TTC23L: variants seen among roughly 807,000 people sequenced by gnomAD.
The protein encoded by TTC23L is tetratricopeptide repeat protein 23-like.
A neutral mutation model predicts 48.1 loss-of-function variants in TTC23L; 42 were observed. That is an observed-to-expected ratio of 0.87 (90% confidence interval 0.68 to 1.13). TTC23L has a LOEUF of 1.13. Ranked by LOEUF, TTC23L falls within the 50% of genes most tolerant of loss-of-function variation. The pLI is 0.00. For synonymous variants in TTC23L, 159 were observed against 157.2 expected (o/e 1.01, Z -0.09); for missense variants, 391 against 421.0 (o/e 0.93, Z 0.62).
intron 9 of TTC23L, among the ~76,000 whole-genome samples, chr5:34,894,094 A>G (rs1763050554): frequency 6.6e-6 from 1 of 152,096 alleles, no homozygotes; most frequent in Non-Finnish European, 1.5e-5. Flanking sequence ...TTTTTGGTGG[A>G]TATGTTGGGA....
chr5:34,888,634 A>G, intron 9 of TTC23L: 1 of 557,404 alleles, frequency 1.8e-6, no homozygotes, highest in Non-Finnish European at 2.3e-6. Context: ...ATTCACTTCT[A>G]TCAGTCTTGC....
At chr5:34,846,158 C>T (rs951024292) in intron 3 of TTC23L, among the ~76,000 whole-genome samples, 1 of 152,070 alleles carries the variant, frequency 6.6e-6, no homozygotes, top group Non-Finnish European at 1.5e-5. Context: ...GCACTCCAGC[C>T]TGGGTAACAG....
chr5:34,869,441 A>T (rs182085648), intron 8 of TTC23L: 1 of 166,238 alleles, frequency 6.0e-6, no homozygotes, highest in Admixed American at 5.7e-5. Flanking sequence ...TTCTTGACCC[A>T]TATTCAATAG....
chr5:34,914,074 A>G, the TTC23L span: 229 of 452,100 alleles, frequency 5.1e-4, no homozygotes, highest in African/African-American at 4.1e-3. Flanking sequence ...TATCCCTGAG[A>G]TCATGCTGTG....
At chr5:34,869,824 TAAAC>T (rs1761323848) in intron 8 of TTC23L, 1 of 152,228 alleles carries the variant, frequency 6.6e-6, no homozygotes, top group Non-Finnish European at 1.5e-5. Flanking sequence ...TGTCATTAAA[TAAAC>T]ATTTTTTTTC....
At chr5:34,867,022 G>C in exon 7 of TTC23L, 2 of 1,612,144 alleles carry the variant, frequency 1.2e-6, no homozygotes, top group South Asian at 2.2e-5. Context: ...TGCTCAGATA[G>C]AGCAGCTGAG....
downstream of TTC23L, among the ~76,000 whole-genome samples, chr5:34,904,411 T>C (rs1013112830): frequency 6.6e-6 from 1 of 151,268 alleles, no homozygotes; most frequent in Non-Finnish European, 1.5e-5. Context: ...CTGGCCAACA[T>C]GGTGAAACCC....
chr5:34,925,051 T>C, the TTC23L span: 1 of 1,535,430 alleles, frequency 6.5e-7, no homozygotes, highest in East Asian at 2.3e-5. Flanking sequence ...AAGTAATTGC[T>C]GTTTTATTAC....
intron 1 of TTC23L, chr5:34,839,557 C>T (rs1320352068): frequency 1.1e-6 from 1 of 876,330 alleles, no homozygotes; most frequent in Admixed American, 6.2e-5. Flanking sequence ...GAGATCAGAA[C>T]TCTTTGCTGT....
chr5:34,888,905 A>G (rs1235600421), intron 9 of TTC23L, among the ~76,000 whole-genome samples: 2 of 152,242 alleles, frequency 1.3e-5, no homozygotes, highest in Admixed American at 6.5e-5. Flanking sequence ...CTTGCTGAAC[A>G]TACAAAGTCT....
At chr5:34,842,238 T>G (rs1025891325) in intron 2 of TTC23L, among the ~76,000 whole-genome samples, 1 of 152,258 alleles carries the variant, frequency 6.6e-6, no homozygotes, top group Non-Finnish European at 1.5e-5. Context: ...CTTTTTATAC[T>G]CTTTAAAATA....
chr5:34,922,760 T>G, the TTC23L span: 1 of 1,613,956 alleles, frequency 6.2e-7, no homozygotes, highest in Non-Finnish European at 8.5e-7. Flanking sequence ...CCTTTTGTCT[T>G]TTGACCCTGT....
chr5:34,870,812 C>T (rs1390109514), intron 8 of TTC23L, among the ~76,000 whole-genome samples: 1 of 152,116 alleles, frequency 6.6e-6, no homozygotes, highest in Non-Finnish European at 1.5e-5. Flanking sequence ...TTAAGGATGT[C>T]ACACTGGTTT....
the TTC23L span, among the ~76,000 whole-genome samples, chr5:34,909,819 T>A: frequency 3.2e-4 from 49 of 152,322 alleles, no homozygotes; most frequent in African/African-American, 1.1e-3. Flanking sequence ...CCAGAAGTTA[T>A]TTGTAGACAA....
the TTC23L span, chr5:34,913,629 T>C: frequency 2.8e-6 from 3 of 1,085,754 alleles, no homozygotes; most frequent in Admixed American, 2.2e-5. Context: ...TAAAAACTAA[T>C]AATATAAGGT....
intron 1 of TTC23L, among the ~76,000 whole-genome samples, chr5:34,840,150 C>T (rs1431679468): frequency 6.6e-6 from 1 of 150,518 alleles, no homozygotes; most frequent in Non-Finnish European, 1.5e-5. Flanking sequence ...CCTCGGCTTC[C>T]CACAGTGCTG....
Position 34,858,640 on chromosome 5 carries a change from T to C in TTC23L, c.380-4258T>C, listed in dbSNP as rs192116640. On this transcript the variant is annotated intron_variant, in intron 4 of 10. Transcript: ENST00000505624. ...TGTGTACAACAGTATTGATGTGTTA[T>C]GTAATATTATAAATAGTAATAAAAA... Among the ~76,000 whole-genome samples the C allele has an allele frequency of 4.0e-4, 61 of 152,064 alleles. 1 individual carries two copies. The highest frequency in any genetic ancestry group is 1.3e-3 in the African/African-American group (56 of 41,512).
intron 4 of TTC23L, 63 bp from the exon 5 acceptor site, chr5:34,862,835 T>G (rs1295414907): frequency 1.3e-6 from 2 of 1,595,242 alleles, no homozygotes; most frequent in Non-Finnish European, 1.7e-6. Context: ...CCAGGAATGT[T>G]TTTGACTGAA....
At chr5:34,886,299 A>G (rs960388381) in intron 9 of TTC23L, among the ~76,000 whole-genome samples, 3 of 151,014 alleles carry the variant, frequency 2.0e-5, no homozygotes, top group African/African-American at 7.3e-5. Context: ...GTTGGGTACA[A>G]TGCCTTCTCC....
Sources: gnomAD v4.1 joint callset for allele counts (sites outside exome capture counted in the v4.1 genomes callset) on GRCh38, gnomAD v4.1.1 for gene constraint, MANE v1.5 for transcripts, NCBI Gene and HGNC (gene_info 2026-07-23, HGNC 2026-07-21) for gene names.